The following POLR3F variants were observed in gnomAD, a reference collection of about 807,000 sequenced individuals.
POLR3F encodes RNA polymerase III subunit F.
POLR3F carries 31 observed loss-of-function variants against 43.6 expected under a neutral mutation model. The observed-to-expected ratio is 0.71, with a 90% CI of 0.53 to 0.96. The LOEUF (loss-of-function observed/expected upper bound fraction) is 0.96, where lower values mean the gene tolerates loss of function less well. Among genes scored for constraint, POLR3F ranks in the 40% least tolerant of loss-of-function variants. The probability of loss-of-function intolerance (pLI) is 0.00; values close to 1 mark genes in which losing one functional copy is unlikely to be tolerated. For missense variants in POLR3F, 316 were observed against 391.7 expected, an observed-to-expected ratio of 0.81 and a Z score of 1.63; for synonymous variants, 114 against 132.5, an observed-to-expected ratio of 0.86 and a Z score of 0.96.
chr20:18,480,177 C>G lies in POLR3F; in HGVS notation c.569C>G (p.Ser190Cys), dbSNP rs1264113702. The change falls in exon 6 of 9, where the codon TCC becomes TGC. Residue 190 changes from serine (S) to cysteine (C), a missense_variant. Ser to Cys is a moderately radical substitution (Grantham distance 112, BLOSUM62 -1). Around this residue, in one of 3 missense-constraint regions of POLR3F, gnomAD observed 109 missense variants for 177.7 expected, o/e 0.61. Coordinates refer to ENST00000377603, the MANE Select transcript of POLR3F (RefSeq NM_006466.4). ...CAACAGTGTTTTAAATTCCTACAGT[C>G]CAAGGTGAGGTATGATTGAGGAAAC... is the stretch of plus-strand genomic sequence containing the variant. ...LNQQCFKFLQ[S>C]KAETARESKQ... The G allele has an allele frequency of 6.2e-7, 1 of 1,610,626 alleles. No homozygotes were observed.
chr20:18,484,268 T>C lies in POLR3F; in HGVS notation c.*710T>C, dbSNP rs1205027675. On this transcript the variant is annotated 3_prime_UTR_variant, in exon 9 of 9. Coordinates refer to ENST00000377603, the MANE Select transcript of POLR3F (RefSeq NM_006466.4). ...CTGTTCCTTCTTTCTTAAAGTCTTA[T>C]GTTTCACTCTTTAACTCAAATGTAT... The C allele has an allele frequency of 2.5e-6, 1 of 397,656 alleles. No homozygotes were observed. The highest frequency in any genetic ancestry group is 4.4e-6 in the Non-Finnish European group (1 of 225,596). 24.6% of individuals were successfully genotyped at this position (397,656 alleles called of 1,614,324 possible).
chr20:18,475,213 C>A, intron 5 of POLR3F, 26 bp downstream of exon 5: 1 of 827,728 alleles, frequency 1.2e-6, no homozygotes, highest in Admixed American at 2.1e-5. Flanking sequence ...CTCAGATACC[C>A]ACTTACATAT....
intron 2 of POLR3F, among the ~76,000 whole-genome samples, chr20:18,471,055 C>G (rs1443895422): frequency 2.0e-5 from 3 of 152,110 alleles, no homozygotes; most frequent in Non-Finnish European, 4.4e-5. Flanking sequence ...CCTGATCTGT[C>G]TTAAATGCAG....
Position 18,468,215 on chromosome 20 carries a change from T to G in POLR3F, c.62+647T>G, listed in dbSNP as rs527520373. Among the ~76,000 whole-genome samples the G allele has an allele frequency of 4.6e-5, 7 of 152,316 alleles. No individual in the cohort carries two copies. The South Asian group carries it at 1.4e-3, about 32-fold the overall frequency. On this transcript the variant is annotated intron_variant, in intron 1 of 8. Transcript: ENST00000377603. Reference sequence around the variant, plus strand: ...CCTTAGCCTCCCGAGTAGCTGGGACTACAGGCTCGCGCCACCACGCCCAGC... The same window carrying G: ...CCTTAGCCTCCCGAGTAGCTGGGACGACAGGCTCGCGCCACCACGCCCAGC...
At chr20:18,481,060 G>A (rs987795965) in intron 7 of POLR3F, among the ~76,000 whole-genome samples, 2 of 151,960 alleles carry the variant, frequency 1.3e-5, no homozygotes, top group East Asian at 3.9e-4. Flanking sequence ...AAGATTTCTC[G>A]ATTTTACTTA....
rs2059824990 is a variant in POLR3F at position 18,484,067 on chromosome 20, G to A, written c.*509G>A. 5.0e-6 allele frequency: 2 copies of A among 398,336 alleles called. No individual in the cohort carries two copies. The highest frequency in any genetic ancestry group is 4.4e-5 in the Admixed American group (1 of 22,692). The allele number at this position is 398,336 out of a possible 1,614,324, so 24.7% of individuals were successfully genotyped here. ...GAATAGCAAAGAGTGCAAACTTGGG[G>A]TATGACTGGGGGAGAGTGGAACATG... On this transcript the variant is annotated 3_prime_UTR_variant, in exon 9 of 9. Transcript: ENST00000377603.
chr20:18,482,396 G>C (rs1486391117), intron 8 of POLR3F, among the ~76,000 whole-genome samples: 1 of 152,142 alleles, frequency 6.6e-6, no homozygotes, highest in East Asian at 1.9e-4. Flanking sequence ...CCTAAATAGG[G>C]CAGAAAATGA....
At chr20:18,473,733 A>C (rs1454855028) in intron 4 of POLR3F, among the ~76,000 whole-genome samples, 1 of 152,180 alleles carries the variant, frequency 6.6e-6, no homozygotes, top group Non-Finnish European at 1.5e-5. Flanking sequence ...AAAATAAATA[A>C]AATTTAAGTT....
At chr20:18,480,576 T>C (rs542904456) in intron 7 of POLR3F, 67 bp downstream of exon 7, 2 of 903,496 alleles carry the variant, frequency 2.2e-6, no homozygotes, top group East Asian at 2.6e-5. Context: ...ATTCCAAACA[T>C]GTATTTGACC....
intron 2 of POLR3F, among the ~76,000 whole-genome samples, chr20:18,471,764 C>T (rs564141415): frequency 9.8e-5 from 15 of 152,346 alleles, no homozygotes; most frequent in African/African-American, 3.6e-4. Context: ...AGGCGGATCA[C>T]TAGAGGCCAG....
At chr20:18,475,605 G>A (rs1014186139) in intron 5 of POLR3F, among the ~76,000 whole-genome samples, 1 of 152,158 alleles carries the variant, frequency 6.6e-6, no homozygotes, top group Non-Finnish European at 1.5e-5. Flanking sequence ...TCTAGTACAC[G>A]TGTGTTTTTC....
In POLR3F at chr20:18,473,464, C is replaced by T; in HGVS notation, c.316+6C>T. 7.2e-7 allele frequency: 1 copy of T among 1,398,220 alleles called. No individual in the cohort carries two copies. The highest frequency in any genetic ancestry group is 1.0e-6 in the Non-Finnish European group (1 of 985,532). The allele number at this position is 1,398,220 out of a possible 1,614,324, so 86.6% of individuals were successfully genotyped here. ...AGAGGATGCAGGAAATAAAGGTAAG[C>T]ATGTGAAAGATGAAGCAGAAAAAAA... is the stretch of plus-strand genomic sequence containing the variant. On this transcript the variant is annotated splice_donor_region_variant and intron_variant, in intron 4 of 8. Coordinates refer to ENST00000377603, the MANE Select transcript of POLR3F (RefSeq NM_006466.4).
chr20:18,476,604 G>C (rs566607753), intron 5 of POLR3F, among the ~76,000 whole-genome samples: 2 of 152,282 alleles, frequency 1.3e-5, no homozygotes, highest in Admixed American at 1.3e-4. Context: ...CCTTGGCTTT[G>C]TTAATGAATT....
intron 7 of POLR3F, among the ~76,000 whole-genome samples, chr20:18,480,730 T>C (rs2059805847): frequency 2.0e-5 from 3 of 152,160 alleles, no homozygotes; most frequent in African/African-American, 4.8e-5. Context: ...ACACTGATGC[T>C]TTTTTTATTT....
At position 18,467,580 on chromosome 20, in the gene POLR3F, A is replaced by G. The variant is rs981264249; in HGVS notation, c.62+12A>G. 5.0e-6 allele frequency: 8 copies of G among 1,614,112 alleles called. No homozygotes were observed. The highest frequency in any genetic ancestry group is 6.8e-6 in the Non-Finnish European group (8 of 1,180,024). ...GAAATAGAAAACAGGTAAACCAGTG[A>G]GGCTCCGGCTTGGCACTCCATCAGG... is the stretch of plus-strand genomic sequence containing the variant. On this transcript the variant is annotated intron_variant, in intron 1 of 8. Transcript: ENST00000377603.
At chr20:18,467,743 T>C (rs2059704302) in intron 1 of POLR3F, 175 bp downstream of exon 1, 1 of 1,342,778 alleles carries the variant, frequency 7.4e-7, no homozygotes, top group Non-Finnish European at 1.0e-6. Context: ...AGAGCAGAAC[T>C]CAAGAAGTTC....
intron 1 of POLR3F, 63 bp downstream of exon 1, chr20:18,467,631 C>A: frequency 6.2e-7 from 1 of 1,611,470 alleles, no homozygotes; most frequent in Non-Finnish European, 8.5e-7. Flanking sequence ...GCAGCTGGAC[C>A]CCTTCTCCGG....
At chr20:18,477,195 T>A (rs1246143016) in intron 5 of POLR3F, among the ~76,000 whole-genome samples, 1 of 151,730 alleles carries the variant, frequency 6.6e-6, no homozygotes, top group South Asian at 2.1e-4. Context: ...GAAAAGATGC[T>A]CTACATTATT....
chr20:18,478,153 G>C (rs11905111), intron 5 of POLR3F, among the ~76,000 whole-genome samples: 22 of 152,126 alleles, frequency 1.4e-4, no homozygotes, highest in African/African-American at 5.3e-4. Flanking sequence ...AGGCCTATTG[G>C]GAAATTCCAA....
Sources: gnomAD v4.1 joint callset for allele counts (sites outside exome capture counted in the v4.1 genomes callset) on GRCh38, gnomAD v4.1.1 for gene constraint, gnomAD v4.1.1 regional missense constraint, MANE v1.5 for transcripts, NCBI Gene and HGNC (gene_info 2026-07-23, HGNC 2026-07-21) for gene names.